Variants in ADAMTSL2 observed in about 807,000 individuals in gnomAD.
The protein encoded by ADAMTSL2 is ADAMTS like 2.
In ADAMTSL2, 55 loss-of-function variants were observed where a neutral mutation model predicts 117.0. That is an observed-to-expected ratio of 0.47 (90% CI 0.38 to 0.59). The LOEUF is 0.59. Ranked by LOEUF, ADAMTSL2 falls within the 20% of genes least tolerant of loss-of-function variation. The pLI, the probability that ADAMTSL2 is intolerant of heterozygous loss-of-function variation, is 0.00. For synonymous variants in ADAMTSL2, 572 were observed against 566.4 expected (o/e 1.01, Z -0.14); for missense variants, 1,182 against 1,354.5 (o/e 0.87, Z 2.00).
intron 12 of ADAMTSL2, among the ~76,000 whole-genome samples, chr9:133,561,881 C>T (rs1169616805): frequency 2.6e-5 from 4 of 152,166 alleles, no homozygotes; most frequent in Admixed American, 6.5e-5. Context: ...TGGCCACAGC[C>T]GCTAGAGCTG....
At chr9:133,566,217 G>A (rs983993678) in intron 12 of ADAMTSL2, among the ~76,000 whole-genome samples, 12 of 152,316 alleles carry the variant, frequency 7.9e-5, no homozygotes, top group Admixed American at 2.0e-4. Flanking sequence ...CAAGGCGGGC[G>A]GATCACCTGA....
intron 12 of ADAMTSL2, among the ~76,000 whole-genome samples, chr9:133,564,024 GAA>G (rs1165213781): frequency 2.5e-5 from 1 of 39,356 alleles, no homozygotes; most frequent in East Asian, 5.4e-4. Flanking sequence ...GAGAGAGAGA[GAA>G]AGGGGGAGAG....
At chr9:133,555,101 G>A (rs901056528) in intron 10 of ADAMTSL2, among the ~76,000 whole-genome samples, 6 of 152,000 alleles carry the variant, frequency 3.9e-5, no homozygotes, top group Admixed American at 2.0e-4. Flanking sequence ...GGCCCCAGGC[G>A]CCCCTTGGCT....
At chr9:133,542,742 G>C (rs1039034902) in intron 7 of ADAMTSL2, among the ~76,000 whole-genome samples, 5 of 151,696 alleles carry the variant, frequency 3.3e-5, no homozygotes, top group African/African-American at 9.7e-5. Flanking sequence ...CCTACTCTTG[G>C]CCTGTGATCC....
rs1232764112 is a variant in ADAMTSL2 at position 133,564,623 on chromosome 9, AGG to A, written c.1748-2311_1748-2310del. On this transcript the variant is annotated intron_variant, in intron 12 of 18. Transcript: ENST00000651351. ...GAGAGAGAGGGAGAGAGAGAGAGAG[AGG>A]GAGAGAGAGAGAGAGGGAGAGAGGG... Among the ~76,000 whole-genome samples, 74 of 36,380 alleles carry A rather than the reference AGG, an allele frequency of 2.0e-3. 1 individual carries two copies. Among genetic ancestry groups the A allele is most frequent in the African/African-American group, 5.2e-3 (43 of 8,198 alleles). The allele number at this position is 36,380 out of a possible 152,430, so 23.9% of individuals were successfully genotyped here.
intron 4 of ADAMTSL2, among the ~76,000 whole-genome samples, chr9:133,538,852 C>T (rs960018708): frequency 6.6e-6 from 1 of 152,144 alleles, no homozygotes; most frequent in Non-Finnish European, 1.5e-5. Context: ...CGGAGCCCTT[C>T]TGCTCCAGCC....
intron 9 of ADAMTSL2, among the ~76,000 whole-genome samples, chr9:133,552,356 A>C (rs1055949947): frequency 1.3e-5 from 2 of 152,160 alleles, no homozygotes; most frequent in African/African-American, 4.8e-5. Context: ...CCTCTGGAAG[A>C]CAGGTGCTTT....
At chr9:133,568,180 AG>A in intron 13 of ADAMTSL2, 92 bp from the exon 14 acceptor site, 1 of 1,312,590 alleles carries the variant, frequency 7.6e-7, no homozygotes, top group Non-Finnish European at 1.1e-6. Context: ...TAGGGGAGGA[AG>A]GGAGGAGCCG....
chr9:133,539,891 G>A lies in ADAMTSL2; in HGVS notation c.412+18G>A, dbSNP rs1406038577. Reference sequence around the variant, plus strand: ...GTACCCGGGTACCTGCCGCCCTGGGGACCCACCTTGCAGGGAGCTGACTGA... The same window carrying A: ...GTACCCGGGTACCTGCCGCCCTGGGAACCCACCTTGCAGGGAGCTGACTGA... On this transcript the variant is annotated intron_variant, in intron 5 of 18. Transcript: ENST00000651351. 1.3e-6 allele frequency: 2 copies of A among 1,549,846 alleles called. No homozygotes were observed. The highest frequency in any genetic ancestry group is 1.7e-6 in the Non-Finnish European group (2 of 1,146,340).
At chr9:133,533,981 C>T (rs1244547121), upstream of ADAMTSL2, among the ~76,000 whole-genome samples, 1 of 152,134 alleles carries the variant, frequency 6.6e-6, no homozygotes, top group South Asian at 2.1e-4. Flanking sequence ...TGCTGCTCCA[C>T]CCACTCTCGC....
Position 133,540,603 on chromosome 9 carries a change from T to C in ADAMTSL2, c.418T>C (p.Tyr140His). The C allele has an allele frequency of 6.2e-7, 1 of 1,613,464 alleles. No individual in the cohort carries two copies. The highest frequency in any genetic ancestry group is 8.5e-7 in the Non-Finnish European group (1 of 1,180,008). The change falls in exon 6 of 19, where the codon TAT becomes CAT. Residue 140 changes from tyrosine to histidine, a missense_variant. By Grantham distance (83) the Tyr-to-His change is moderately conservative. This residue lies in a region of ADAMTSL2 where 372 missense variants were observed against 463.4 expected (regional missense o/e 0.80). Transcript: ENST00000651351. Reference protein sequence around the residue: ...HQWKPLYPDDYVHISSKPCDL... With the variant: ...HQWKPLYPDDHVHISSKPCDL... ...TCTTTGTCTCCCTCCACCAGATGAC[T>C]ATGTCCACATCTCCAGCAAACCGTG...
intron 12 of ADAMTSL2, among the ~76,000 whole-genome samples, chr9:133,566,213 G>A (rs1232404049): frequency 1.3e-5 from 2 of 152,204 alleles, no homozygotes; most frequent in Non-Finnish European, 2.9e-5. Context: ...AGGCCAAGGC[G>A]GGCGGATCAC....
chr9:133,557,689 C>T lies in ADAMTSL2; in HGVS notation c.1649+1759C>T, dbSNP rs1830633660. ...CAGTCCGGGGCATTCCCTGGTATTCCGTGTGTGAGGCCCACGGTAAGGCCT... is the reference window on the plus strand; with the variant it reads ...CAGTCCGGGGCATTCCCTGGTATTCTGTGTGTGAGGCCCACGGTAAGGCCT... On this transcript the variant is annotated intron_variant, in intron 11 of 18. Transcript: ENST00000651351. This position sits in a 1 kb window ranked among gnomAD's most constrained non-coding sequence, Gnocchi z 5.2. Among the ~76,000 whole-genome samples, 1 of 152,268 alleles carries T rather than the reference C, an allele frequency of 6.6e-6. No homozygotes were observed. Among genetic ancestry groups the T allele is most frequent in the Non-Finnish European group, 1.5e-5 (1 of 68,016 alleles).
At position 133,567,041 on chromosome 9, in the gene ADAMTSL2, C is replaced by A; in HGVS notation, c.1853C>A (p.Ala618Asp). The stretch of plus-strand genomic sequence containing the variant: ...CCCGAGCCTGTCCACGAGTTCTGCG[C>A]TGGGAGGGAGTGCCAGCCCAGGTAC... ...TRPEPVHEFC[A>D]GRECQPRWET... Residue 618 changes from alanine (A) to aspartate (D), a missense_variant, in exon 13 of 19, where the codon GCT (alanine) becomes GAT (aspartate). By Grantham distance (126) the Ala-to-Asp change is moderately radical. Transcript: ENST00000651351. 1 of 1,609,940 alleles carries A rather than the reference C, an allele frequency of 6.2e-7. No homozygotes were observed.
At chr9:133,569,605 G>T in intron 16 of ADAMTSL2, 27 bp downstream of exon 16, 1 of 1,552,468 alleles carries the variant, frequency 6.4e-7, no homozygotes, top group Non-Finnish European at 8.7e-7. Context: ...CCGCGGAAGG[G>T]CCTCCTGGTA....
In ADAMTSL2 at chr9:133,554,833, G is replaced by A; in HGVS notation, c.1276+140G>A. On this transcript the variant is annotated intron_variant, in intron 10 of 18. Coordinates refer to ENST00000651351, the MANE Select transcript of ADAMTSL2 (RefSeq NM_014694.4). This position sits in a 1 kb window ranked among gnomAD's most constrained non-coding sequence, Gnocchi z 5.2. ...TGCCAGCTACCTGCAGATGTCCTCT[G>A]GGCAGGCACAGGGTTGAGGACTTGG... 1.3e-6 allele frequency: 1 copy of A among 747,204 alleles called. No homozygotes were observed. Among genetic ancestry groups the A allele is most frequent in the East Asian group, 2.7e-5 (1 of 36,684 alleles). The allele number at this position is 747,204 out of a possible 1,614,324, so 46.3% of individuals were successfully genotyped here. A position where few individuals can be genotyped will look rare whatever the true frequency, so the allele number is the denominator to read the frequency against.
intron 8 of ADAMTSL2, among the ~76,000 whole-genome samples, chr9:133,544,824 C>T (rs997053781): frequency 1.2e-4 from 19 of 152,168 alleles, no homozygotes; most frequent in African/African-American, 4.6e-4. Flanking sequence ...GGTGAGCTCC[C>T]TGTCACTCGA....
At chr9:133,559,322 G>C (rs62574215) in intron 11 of ADAMTSL2, among the ~76,000 whole-genome samples, 31,472 of 150,646 alleles carry the variant, frequency 0.21, 3,522 homozygotes, top group Middle Eastern at 0.29. Flanking sequence ...TGAGATGACA[G>C]GGTCTTGGGA....
At chr9:133,537,765 G>A (rs1002075593) in intron 3 of ADAMTSL2, among the ~76,000 whole-genome samples, 28 of 152,226 alleles carry the variant, frequency 1.8e-4, no homozygotes, top group African/African-American at 6.8e-4. Flanking sequence ...CAGGGCACCA[G>A]GAAAGCCCTT....
Sources: allele counts gnomAD v4.1 joint callset (sites outside exome capture counted in the v4.1 genomes callset), GRCh38; gene constraint gnomAD v4.1.1; regional missense constraint gnomAD v4.1.1; non-coding constraint Gnocchi (gnomAD v3.1); transcripts MANE v1.5; gene names NCBI Gene and HGNC (gene_info 2026-07-23, HGNC 2026-07-21).